The following FBXO47 variants were observed in gnomAD, a reference collection of about 807,000 sequenced individuals.
FBXO47 encodes the protein F-box protein 47.
A neutral mutation model predicts 53.9 loss-of-function variants in FBXO47; 34 were observed. That is an observed-to-expected ratio of 0.63 (90% CI 0.48 to 0.84). The LOEUF (loss-of-function observed/expected upper bound fraction) is 0.84. Among genes scored for constraint, FBXO47 ranks in the 40% least tolerant of loss-of-function variants. The pLI, the probability that FBXO47 is intolerant of heterozygous loss-of-function variation, is 0.00. For synonymous variants in FBXO47, 165 were observed against 181.6 expected, an observed-to-expected ratio of 0.91 and a Z score of 0.73; for missense variants, 485 against 541.3, an observed-to-expected ratio of 0.90 and a Z score of 1.03.
At chr17:38,959,624 T>TTGTG (rs34354922) in intron 3 of FBXO47, among the ~76,000 whole-genome samples, 4,721 of 126,158 alleles carry the variant, frequency 0.037, 200 homozygotes, top group African/African-American at 0.11. Context: ...CTTCAAAGCA[T>TTGTG]TGTGTGTGTG....
At chr17:38,965,767 C>CA (rs34004164) in intron 1 of FBXO47, among the ~76,000 whole-genome samples, 23,347 of 144,446 alleles carry the variant, frequency 0.16, 2,208 homozygotes, top group Middle Eastern at 0.32. Context: ...ACTGTAGTCC[C>CA]AGCTACTCTG....
intron 9 of FBXO47, among the ~76,000 whole-genome samples, chr17:38,942,057 C>T (rs1904534873): frequency 1.3e-5 from 2 of 152,202 alleles, no homozygotes; most frequent in East Asian, 1.9e-4. Flanking sequence ...ACTCCCAGTA[C>T]TCATTTCCCA....
In FBXO47 at chr17:38,937,074, A is replaced by G. The variant is rs1377392883; in HGVS notation, c.*101T>C. The G allele has an allele frequency of 2.1e-6, 1 of 473,288 alleles. No homozygotes were observed. Among genetic ancestry groups the G allele is most frequent in the Non-Finnish European group, 3.8e-6 (1 of 262,352 alleles). The allele number at this position is 473,288 out of a possible 1,614,324, so 29.3% of individuals were successfully genotyped here. ...GCTTTTGAATTCTTAGGTTACTTAG[A>G]TGATAAAAAGTCCCATGGATGCTAT... On this transcript the variant is annotated 3_prime_UTR_variant, in exon 11 of 11. Transcript: ENST00000378079.
At chr17:38,953,166 C>CACACACACAA (rs1567719878) in intron 5 of FBXO47, among the ~76,000 whole-genome samples, 1 of 132,070 alleles carries the variant, frequency 7.6e-6, no homozygotes, top group Non-Finnish European at 1.6e-5. Context: ...CACACACACA[C>CACACACACAA]AAAATAGCTA....
chr17:38,962,498 C>T (rs201735618), intron 2 of FBXO47, among the ~76,000 whole-genome samples: 11 of 151,662 alleles, frequency 7.3e-5, no homozygotes, highest in African/African-American at 1.9e-4. Flanking sequence ...GCCAGCTACT[C>T]GGGAGGCTGA....
chr17:38,943,568 T>A (rs983243053), intron 8 of FBXO47, 22 bp downstream of exon 8: 1 of 1,440,234 alleles, frequency 6.9e-7, no homozygotes, highest in Admixed American at 2.3e-5. Flanking sequence ...TATTATTCTA[T>A]GTTAGTAAAT....
chr17:38,946,973 T>TATATAAAC (rs1567717539), intron 6 of FBXO47, among the ~76,000 whole-genome samples: 6 of 110,906 alleles, frequency 5.4e-5, no homozygotes, highest in African/African-American at 1.3e-4. Context: ...CATATATAAA[T>TATATAAAC]ATATGTAAAT....
At chr17:38,950,924 A>C (rs905105492) in intron 6 of FBXO47, among the ~76,000 whole-genome samples, 3 of 151,160 alleles carry the variant, frequency 2.0e-5, no homozygotes, top group African/African-American at 4.9e-5. Flanking sequence ...ATTTCTTTTG[A>C]AAAGGGGTCT....
intron 6 of FBXO47, among the ~76,000 whole-genome samples, chr17:38,948,493 G>A (rs1905049714): frequency 6.6e-6 from 1 of 152,004 alleles, no homozygotes; most frequent in East Asian, 1.9e-4. Flanking sequence ...GGGATTACAG[G>A]TGTGAGCCAC....
At chr17:38,954,507 TATAG>T (rs1905455961) in intron 5 of FBXO47, among the ~76,000 whole-genome samples, 2 of 152,154 alleles carry the variant, frequency 1.3e-5, no homozygotes, top group South Asian at 2.1e-4. Flanking sequence ...AAACTCATTA[TATAG>T]ATACAGATAC....
At chr17:38,944,742 G>A (rs980308895) in intron 7 of FBXO47, among the ~76,000 whole-genome samples, 11 of 150,490 alleles carry the variant, frequency 7.3e-5, no homozygotes, top group Admixed American at 3.3e-4. Context: ...GTGGTTGCAC[G>A]CACCTGCAGT....
At chr17:38,956,222 G>A (rs1293054837) in intron 4 of FBXO47, among the ~76,000 whole-genome samples, 1 of 152,064 alleles carries the variant, frequency 6.6e-6, no homozygotes, top group Non-Finnish European at 1.5e-5. Flanking sequence ...GGGGAGTAAT[G>A]AATTGGATGA....
At chr17:38,941,214 T>C (rs1003739609) in intron 9 of FBXO47, among the ~76,000 whole-genome samples, 3 of 151,630 alleles carry the variant, frequency 2.0e-5, no homozygotes, top group Non-Finnish European at 2.9e-5. Flanking sequence ...CTCTGTCACC[T>C]AGGCTGGAGT....
At chr17:38,963,860 G>A (rs1051741770) in intron 1 of FBXO47, among the ~76,000 whole-genome samples, 2 of 137,356 alleles carry the variant, frequency 1.5e-5, no homozygotes, top group African/African-American at 5.4e-5. Context: ...GCAGTGGCAT[G>A]ATGATAGCTC....
intron 6 of FBXO47, 54 bp from the exon 7 acceptor site, chr17:38,945,190 A>G (rs1904699478): frequency 7.5e-7 from 1 of 1,337,762 alleles, no homozygotes; most frequent in Non-Finnish European, 1.1e-6. Flanking sequence ...TGCTGTGCAT[A>G]TTGAATAGTG....
chr17:38,946,379 T>A (rs1200919995), intron 6 of FBXO47, among the ~76,000 whole-genome samples: 2 of 94,360 alleles, frequency 2.1e-5, no homozygotes, highest in African/African-American at 4.7e-5. Context: ...GATATATATA[T>A]AAATATATAT....
chr17:38,962,960 A>T lies in FBXO47; in HGVS notation c.66T>A (p.Arg22=). ...GGGTCTTGGAATAACAGCTGGTTTG[A>T]CGATTACTACGTCTAAGTTTCTGGT... ...IPNQKLRRSN[R]QTSCYSKTLG... The change falls in exon 2 of 11, where the codon CGT becomes CGA. Residue 22 remains arginine (R), a synonymous_variant. Transcript: ENST00000378079. 1 of 1,613,310 alleles carries T rather than the reference A, an allele frequency of 6.2e-7. No individual in the cohort carries two copies. The highest frequency in any genetic ancestry group is 8.5e-7 in the Non-Finnish European group (1 of 1,179,380).
Position 38,962,183 on chromosome 17 carries a change from A to G in FBXO47, c.182-136T>C. The G allele has an allele frequency of 4.3e-6, 3 of 697,410 alleles. No individual in the cohort carries two copies. The South Asian group carries it at 6.9e-5, about 16-fold the overall frequency. The allele number at this position is 697,410 out of a possible 1,614,324, so 43.2% of individuals were successfully genotyped here. A position where few individuals can be genotyped will look rare whatever the true frequency, so the allele number is the denominator to read the frequency against. ...TCATCATCCCTTTGGGAAAAAAGGG[A>G]AAAACCTTAAAATTGTTTAAAATCT... On this transcript the variant is annotated intron_variant, in intron 2 of 10. Coordinates refer to ENST00000378079, the MANE Select transcript of FBXO47 (RefSeq NM_001008777.3).
chr17:38,945,215 T>A (rs1567715768), intron 6 of FBXO47, 79 bp from the exon 7 acceptor site: 2 of 1,003,870 alleles, frequency 2.0e-6, no homozygotes, highest in East Asian at 2.4e-5. Context: ...AAGCAACTTA[T>A]TAATCATTAT....
Sources: allele counts gnomAD v4.1 joint callset (sites outside exome capture counted in the v4.1 genomes callset), GRCh38; gene constraint gnomAD v4.1.1; transcripts MANE v1.5; gene names NCBI Gene and HGNC (gene_info 2026-07-23, HGNC 2026-07-21).